Variants in ARNT2 observed in about 807,000 individuals in gnomAD.
ARNT2 encodes aryl hydrocarbon receptor nuclear translocator 2, also known as ARNT protein 2.
ARNT2 carries 36 observed loss-of-function variants against 91.7 expected under a neutral mutation model. The observed-to-expected ratio is 0.39, with a 90% confidence interval of 0.30 to 0.52. The LOEUF (loss-of-function observed/expected upper bound fraction) is 0.52, where lower values mean the gene tolerates loss of function less well. ARNT2 is among the 20% of genes least tolerant of loss of function. ARNT2 has a pLI of 0.72. For synonymous variants in ARNT2, 365 were observed against 347.1 expected, an observed-to-expected ratio of 1.05 and a Z score of -0.57; for missense variants, 775 against 939.3, an observed-to-expected ratio of 0.83 and a Z score of 2.29.
In ARNT2 at chr15:80,596,442, A is replaced by G. The variant is rs6495511; in HGVS notation, c.*2744A>G. 61,215 of 152,000 alleles carry G rather than the reference A, an allele frequency of 0.4. 15,249 individuals are homozygous for G. The highest frequency in any genetic ancestry group is 0.71 in the African/African-American group (29,417 of 41,420). The allele number at this position is 152,000 out of a possible 1,614,324, so 9.4% of individuals were successfully genotyped here. ...AAGCCCAGGACTGGGAGAATCGCAC[A>G]TGCCCCAGGGGTTTTCACCAAGGAT... On this transcript the variant is annotated 3_prime_UTR_variant, in exon 19 of 19. Transcript: ENST00000303329.
chr15:80,463,576 T>A (rs1429388888), intron 3 of ARNT2, among the ~76,000 whole-genome samples: 3 of 2,086 alleles, frequency 1.4e-3, no homozygotes, highest in Non-Finnish European at 2.1e-3. Flanking sequence ...GGTGATTTCC[T>A]TTTTTTTTTT....
intron 1 of ARNT2, among the ~76,000 whole-genome samples, chr15:80,409,469 C>A (rs1366460537): frequency 1.3e-5 from 2 of 152,140 alleles, no homozygotes; most frequent in Admixed American, 1.3e-4. Context: ...TTTATTTATT[C>A]ATTCACCTAC....
rs367774426 is a variant in ARNT2 at position 80,483,910 on chromosome 15, G to A, written c.622+8687G>A. Among the ~76,000 whole-genome samples the A allele has an allele frequency of 6.6e-5, 10 of 152,242 alleles. No individual in the cohort carries two copies. The East Asian group carries it at 7.7e-4, about 12-fold the overall frequency. On this transcript the variant is annotated intron_variant, in intron 5 of 18. Coordinates refer to ENST00000303329, the MANE Select transcript of ARNT2 (RefSeq NM_014862.4). ...CTGTTGAGTTCAGCCATGTGGTTGA[G>A]TCCTTCAGTGGAAGAATGTCAGGCA...
chr15:80,551,054 C>A, intron 8 of ARNT2, 145 bp from the exon 9 acceptor site: 3 of 688,716 alleles, frequency 4.4e-6, no homozygotes, highest in South Asian at 3.6e-5. Context: ...GAGTGAGGAA[C>A]TGGTTAATTC....
chr15:80,543,190 G>T (rs1007324885), intron 8 of ARNT2, among the ~76,000 whole-genome samples: 1 of 151,696 alleles, frequency 6.6e-6, no homozygotes, highest in Non-Finnish European at 1.5e-5. Context: ...TGGGGAAGCA[G>T]GTCAGGTAAA....
Position 80,581,377 on chromosome 15 carries a change from A to C in ARNT2, c.1891A>C (p.Ser631Arg). 1.2e-6 allele frequency: 2 copies of C among 1,614,146 alleles called. No individual in the cohort carries two copies. Among genetic ancestry groups the C allele is most frequent in the East Asian group, 2.2e-5 (1 of 44,878 alleles). ...CTCGCCAAGTGGGAATGCCTACTCC[A>C]GTCTTGCCAACAGGACTCCAGGGTT... ...TSSPSGNAYSSLANRTPGFAE... is the reference protein window; with the variant it reads ...TSSPSGNAYSRLANRTPGFAE... The change falls in exon 17 of 19, where the codon AGT becomes CGT. Residue 631 changes from serine (S) to arginine (R), a missense_variant. Physicochemically the swap from Ser to Arg is moderately radical, Grantham distance 110. Coordinates refer to ENST00000303329, the MANE Select transcript of ARNT2 (RefSeq NM_014862.4).
chr15:80,562,529 T>TAAATACA (rs1378725596), intron 11 of ARNT2, among the ~76,000 whole-genome samples: 1 of 152,244 alleles, frequency 6.6e-6, no homozygotes, highest in Non-Finnish European at 1.5e-5. Context: ...CAAAGTGTCA[T>TAAATACA]ACATAGAAAC....
At chr15:80,519,999 C>CTTT (rs79950273) in intron 8 of ARNT2, among the ~76,000 whole-genome samples, 1 of 132,228 alleles carries the variant, frequency 7.6e-6, no homozygotes, top group African/African-American at 2.8e-5. Flanking sequence ...TGCCTGGCCG[C>CTTT]TTTTTTTTTT....
chr15:80,524,823 A>C (rs969723836), intron 8 of ARNT2, among the ~76,000 whole-genome samples: 5 of 151,714 alleles, frequency 3.3e-5, no homozygotes, highest in South Asian at 2.1e-4. Context: ...TGCAGTGAGC[A>C]GAGATTGCGC....
At chr15:80,581,428 G>T (rs1898796509) in intron 17 of ARNT2, 24 bp downstream of exon 17, 2 of 1,613,402 alleles carry the variant, frequency 1.2e-6, no homozygotes, top group Non-Finnish European at 1.7e-6. Flanking sequence ...GAGGGAGTGA[G>T]ATTCTGGGAA....
chr15:80,530,337 G>A (rs1029576395), intron 8 of ARNT2, among the ~76,000 whole-genome samples: 6 of 152,276 alleles, frequency 3.9e-5, no homozygotes, highest in African/African-American at 9.6e-5. Flanking sequence ...TGTAGTGAGC[G>A]CAGACATTCT....
At chr15:80,441,202 G>A in intron 1 of ARNT2, 1 of 985,008 alleles carries the variant, frequency 1.0e-6, no homozygotes. Context: ...TGTCACGGCT[G>A]AATCATGGTC....
rs184112141 is a variant in ARNT2, at chr15:80,580,774, C to T, written c.1752+225C>T. Among the ~76,000 whole-genome samples the T allele has an allele frequency of 1.2e-3, 184 of 152,338 alleles. 1 individual carries two copies. Among genetic ancestry groups the T allele is most frequent in the African/African-American group, 4.2e-3 (174 of 41,586 alleles). On this transcript the variant is annotated intron_variant, in intron 16 of 18. Coordinates refer to ENST00000303329, the MANE Select transcript of ARNT2 (RefSeq NM_014862.4). Reference sequence around the variant, plus strand: ...AGCCTTTTCTCCTTACAGCCATGCCCTGAGGCAGCTGGCAGGGAAAGGTTG... The same window carrying T: ...AGCCTTTTCTCCTTACAGCCATGCCTTGAGGCAGCTGGCAGGGAAAGGTTG...
rs142415403 is a variant in ARNT2, at chr15:80,442,861, T to C, written c.32-8019T>C. The C allele has an allele frequency of 1.4e-5, 14 of 985,392 alleles. No homozygotes were observed. The East Asian group carries it at 1.6e-3, about 112-fold the overall frequency. 61.0% of individuals were successfully genotyped at this position (985,392 alleles called of 1,614,324 possible). A position where few individuals can be genotyped will look rare whatever the true frequency, so the allele number is the denominator to read the frequency against. ...GTGTAGGAGGATCAGGTGACCAAGG[T>C]TTTTTAGAATTTTCCCTTTTTGGGA... On this transcript the variant is annotated intron_variant, in intron 1 of 18. Transcript: ENST00000303329.
chr15:80,540,466 T>C (rs1029353003), intron 8 of ARNT2, among the ~76,000 whole-genome samples: 4 of 152,188 alleles, frequency 2.6e-5, no homozygotes, highest in African/African-American at 9.7e-5. Context: ...TTTGGAGTAA[T>C]ATTCAGATCC....
intron 5 of ARNT2, among the ~76,000 whole-genome samples, chr15:80,505,531 A>T (rs962208349): frequency 6.6e-6 from 1 of 152,246 alleles, no homozygotes; most frequent in Non-Finnish European, 1.5e-5. Flanking sequence ...TCACTTTGTA[A>T]TATTAATTCA....
intron 8 of ARNT2, among the ~76,000 whole-genome samples, chr15:80,533,575 C>A (rs1897775719): frequency 6.6e-6 from 1 of 152,190 alleles, no homozygotes; most frequent in South Asian, 2.1e-4. Context: ...GCATTTTCAG[C>A]TTCTAGAAGT....
intron 3 of ARNT2, among the ~76,000 whole-genome samples, chr15:80,462,392 G>A (rs1024825471): frequency 3.3e-5 from 5 of 152,180 alleles, no homozygotes; most frequent in Non-Finnish European, 7.3e-5. Context: ...GAATGTATGC[G>A]TAATGTGTCA....
At chr15:80,435,037 C>T (rs1480343733) in intron 1 of ARNT2, among the ~76,000 whole-genome samples, 1 of 152,118 alleles carries the variant, frequency 6.6e-6, no homozygotes, top group Non-Finnish European at 1.5e-5. Flanking sequence ...TGGGGTCACT[C>T]TCCCCTCCTA....
Sources: gnomAD v4.1 joint callset for allele counts (sites outside exome capture counted in the v4.1 genomes callset) on GRCh38, gnomAD v4.1.1 for gene constraint, MANE v1.5 for transcripts, NCBI Gene and HGNC (gene_info 2026-07-23, HGNC 2026-07-21) for gene names.